PCDHGA7: variants seen among roughly 807,000 people sequenced by gnomAD.
PCDHGA7 encodes the protein protocadherin gamma subfamily A, 7.
A neutral mutation model predicts 58.3 loss-of-function variants in PCDHGA7; 44 were observed. The observed-to-expected ratio is 0.75, with a 90% CI of 0.59 to 0.97. The LOEUF is 0.97. Ranked by LOEUF, PCDHGA7 falls within the 50% of genes least tolerant of loss-of-function variation. The pLI is 0.00. For missense variants in PCDHGA7, 1,266 were observed against 1,188.7 expected, an observed-to-expected ratio of 1.06 and a Z score of -0.96; for synonymous variants, 516 against 504.2, an observed-to-expected ratio of 1.02 and a Z score of -0.31.
chr5:141,505,507 A>G, intron 3 of PCDHGA7, 26 bp downstream of exon 3: 1 of 1,614,004 alleles, frequency 6.2e-7, no homozygotes, highest in South Asian at 1.1e-5. Flanking sequence ...GTGTGTATGG[A>G]AGAGTGGGAG....
chr5:141,419,769 C>A (rs773303779), intron 1 of PCDHGA7: 14 of 1,614,006 alleles, frequency 8.7e-6, no homozygotes, highest in East Asian at 4.5e-5. Context: ...GACAAGGACT[C>A]GGTCCGCCAG....
In PCDHGA7 at chr5:141,418,416, C is replaced by G. The variant is rs377542164; in HGVS notation, c.2424+33093C>G. The G allele has an allele frequency of 2.9e-5, 46 of 1,613,866 alleles. No homozygotes were observed. Among genetic ancestry groups the G allele is most frequent in the Non-Finnish European group, 3.4e-5 (40 of 1,179,880 alleles). ...TTCTCATTGGTGGAGAAAGACAATC[C>G]TGATGGTGGCAAATATCCAGAATTA... On this transcript the variant is annotated intron_variant, in intron 1 of 3. Transcript: ENST00000518325.
intron 1 of PCDHGA7, among the ~76,000 whole-genome samples, chr5:141,425,025 T>C (rs1416166875): frequency 1.3e-5 from 2 of 152,236 alleles, no homozygotes; most frequent in Non-Finnish European, 2.9e-5. Flanking sequence ...ATTTACCTTA[T>C]GTCATTAGTT....
In PCDHGA7 at chr5:141,432,091, C is replaced by A. The variant is rs370491149; in HGVS notation, c.2424+46768C>A. ...CTCATATCTCGCTGAACGTGGCAGA[C>A]ACCAACGACAACCCGCCGGTCTTCC... On this transcript the variant is annotated intron_variant, in intron 1 of 3. Coordinates refer to ENST00000518325, the MANE Select transcript of PCDHGA7 (RefSeq NM_018920.4). This position sits in a 1 kb window ranked among gnomAD's most constrained non-coding sequence, Gnocchi z 6.0. 6.2e-7 allele frequency: 1 copy of A among 1,614,056 alleles called. No individual in the cohort carries two copies. Among genetic ancestry groups the A allele is most frequent in the African/African-American group, 1.3e-5 (1 of 74,908 alleles).
chr5:141,473,151 T>C (rs2099315238), intron 1 of PCDHGA7, among the ~76,000 whole-genome samples: 1 of 152,242 alleles, frequency 6.6e-6, no homozygotes. Context: ...TTCAGATCAC[T>C]AGGGCTAGGA....
At chr5:141,441,863 C>A in intron 1 of PCDHGA7, 2 of 342,418 alleles carry the variant, frequency 5.8e-6, no homozygotes, top group African/African-American at 2.2e-5. Flanking sequence ...CTGCACGCCG[C>A]GGAGCCTGGC....
intron 1 of PCDHGA7, among the ~76,000 whole-genome samples, chr5:141,474,970 A>C (rs1309289477): frequency 6.6e-6 from 1 of 152,212 alleles, no homozygotes; most frequent in Admixed American, 6.5e-5. Context: ...TAATCATTAT[A>C]ATTTTGTTTG....
In PCDHGA7 at chr5:141,461,830, C is replaced by CT. The variant is rs1030113508; in HGVS notation, c.2425-32967dup. On this transcript the variant is annotated intron_variant, in intron 1 of 3. Transcript: ENST00000518325. Reference sequence around the variant, plus strand: ...CACCACACCCAGCTAATTTTTTTTTCTTTTTTTTTTGAGACAGAGTTTTGC... The same window carrying CT: ...CACCACACCCAGCTAATTTTTTTTTCTTTTTTTTTTTGAGACAGAGTTTTGC... Among the ~76,000 whole-genome samples, 192 of 145,246 alleles carry CT rather than the reference C, an allele frequency of 1.3e-3. 1 individual carries two copies. In the Middle Eastern group the frequency reaches 0.022, roughly 16 times the overall value.
intron 1 of PCDHGA7, chr5:141,399,640 G>A: frequency 6.2e-7 from 1 of 1,613,836 alleles, no homozygotes; most frequent in Non-Finnish European, 8.5e-7. Flanking sequence ...GTCCATGAGC[G>A]CGCAAAGTGG....
At position 141,431,174 on chromosome 5, in the gene PCDHGA7, G is replaced by C. The variant is rs568632160; in HGVS notation, c.2424+45851G>C. 6.2e-7 allele frequency: 1 copy of C among 1,614,224 alleles called. No individual in the cohort carries two copies. The highest frequency in any genetic ancestry group is 1.1e-5 in the South Asian group (1 of 91,088). ...GCCTTACTTTCGTGAAAGTGAATTA[G>C]AAATAAAAATTAGTGAAAATGCAGC... is the stretch of plus-strand genomic sequence containing the variant. On this transcript the variant is annotated intron_variant, in intron 1 of 3. Coordinates refer to ENST00000518325, the MANE Select transcript of PCDHGA7 (RefSeq NM_018920.4). This position sits in a 1 kb window ranked among gnomAD's most constrained non-coding sequence, Gnocchi z 4.8.
Position 141,438,591 on chromosome 5 carries a change from C to CAT in PCDHGA7, c.2424+53312_2424+53313dup, listed in dbSNP as rs946798767. On this transcript the variant is annotated intron_variant, in intron 1 of 3. Coordinates refer to ENST00000518325, the MANE Select transcript of PCDHGA7 (RefSeq NM_018920.4). ...TCTGATATACATACATACATACATA[C>CAT]ATATATATATATATATATATATATA... Among the ~76,000 whole-genome samples the CAT allele has an allele frequency of 6.3e-3, 476 of 75,268 alleles. 1 individual carries two copies. The highest frequency in any genetic ancestry group is 9.5e-3 in the Non-Finnish European group (352 of 37,106). 49.4% of individuals were successfully genotyped at this position (75,268 alleles called of 152,430 possible). A position where few individuals can be genotyped will look rare whatever the true frequency, so the allele number is the denominator to read the frequency against.
At chr5:141,430,837 CG>C in intron 1 of PCDHGA7, 1 of 1,560,074 alleles carries the variant, frequency 6.4e-7, no homozygotes, top group African/African-American at 1.4e-5. Flanking sequence ...TGTGGGAGAC[CG>C]GATGCACCCA....
At chr5:141,387,300 T>C (rs1171181488) in intron 1 of PCDHGA7, among the ~76,000 whole-genome samples, 1 of 152,224 alleles carries the variant, frequency 6.6e-6, no homozygotes, top group Non-Finnish European at 1.5e-5. Context: ...ATGTATCCAG[T>C]ATATTTCTAA....
intron 2 of PCDHGA7, among the ~76,000 whole-genome samples, chr5:141,498,815 C>T (rs1595543994): frequency 6.6e-6 from 1 of 152,032 alleles, no homozygotes. Flanking sequence ...CACCTGTAGT[C>T]CCAGCTACTC....
At chr5:141,423,427 G>T (rs2096739583) in intron 1 of PCDHGA7, 1 of 1,613,892 alleles carries the variant, frequency 6.2e-7, no homozygotes, top group Non-Finnish European at 8.5e-7. Flanking sequence ...AGGCGGGTTG[G>T]CAGGTATGCC....
chr5:141,500,258 G>A lies in PCDHGA7; in HGVS notation c.2484-5135G>A, dbSNP rs2099798463. On this transcript the variant is annotated intron_variant, in intron 2 of 3. Coordinates refer to ENST00000518325, the MANE Select transcript of PCDHGA7 (RefSeq NM_018920.4). ...TAGCCTTGCTCTGTCACCCAGGCTG[G>A]ACTGCAGTGGCGCAATCTCGGCTCA... Among the ~76,000 whole-genome samples the A allele has an allele frequency of 2.0e-5, 3 of 150,738 alleles. No homozygotes were observed. In the South Asian group the frequency reaches 6.3e-4, roughly 32 times the overall value.
rs1413324509 is a variant in PCDHGA7 at position 141,431,464 on chromosome 5, G to T, written c.2424+46141G>T. The T allele has an allele frequency of 6.2e-7, 1 of 1,613,782 alleles. No homozygotes were observed. The highest frequency in any genetic ancestry group is 2.2e-5 in the East Asian group (1 of 44,880). ...GCATCCGCGTGATGGTTCTGGATGC[G>T]AACGACAACGCACCAGCGTTTGCTC... On this transcript the variant is annotated intron_variant, in intron 1 of 3. Transcript: ENST00000518325. This position sits in a 1 kb window ranked among gnomAD's most constrained non-coding sequence, Gnocchi z 4.8.
At chr5:141,464,861 C>G (rs1178430383) in intron 1 of PCDHGA7, among the ~76,000 whole-genome samples, 1 of 152,134 alleles carries the variant, frequency 6.6e-6, no homozygotes, top group Non-Finnish European at 1.5e-5. Flanking sequence ...ACCTTAGCCT[C>G]CCAAGTAGCT....
At chr5:141,427,480 A>G in intron 1 of PCDHGA7, 1 of 531,758 alleles carries the variant, frequency 1.9e-6, no homozygotes, top group South Asian at 1.5e-5. Context: ...GCCAATAATG[A>G]CTATAAGCTT....
Sources: gnomAD v4.1 joint callset for allele counts (sites outside exome capture counted in the v4.1 genomes callset) on GRCh38, gnomAD v4.1.1 for gene constraint, Gnocchi (gnomAD v3.1) non-coding constraint, MANE v1.5 for transcripts, NCBI Gene and HGNC (gene_info 2026-07-23, HGNC 2026-07-21) for gene names.